The following ARHGEF9 variants were observed in gnomAD, a reference collection of about 807,000 sequenced individuals.
ARHGEF9 encodes rho guanine nucleotide exchange factor 9.
A neutral mutation model predicts 41.3 loss-of-function variants in ARHGEF9; 2 were observed. That is an observed-to-expected ratio of 0.05 (90% CI 0.02 to 0.15). The LOEUF is 0.15. Among genes scored for constraint, ARHGEF9 ranks in the 10% least tolerant of loss-of-function variants. ARHGEF9 has a pLI of 1.00. For missense variants in ARHGEF9, 225 were observed against 424.7 expected (o/e 0.53, Z 4.13); for synonymous variants, 160 against 154.4 (o/e 1.04, Z -0.27).
chrX:63,651,801 A>T (rs1305806526), intron 8 of ARHGEF9, among the ~76,000 whole-genome samples: 4 of 110,903 alleles, frequency 3.6e-5, no homozygotes, highest in African/African-American at 6.5e-5. Context: ...TGACTGACAA[A>T]GTGTCACATC....
chrX:63,728,270 G>A (rs1169565346), intron 1 of ARHGEF9, among the ~76,000 whole-genome samples: 3 of 112,326 alleles, frequency 2.7e-5, no homozygotes, highest in Non-Finnish European at 3.8e-5. Context: ...TACAATTTTT[G>A]TTAAAATGCA....
At chrX:63,688,606 T>TA (rs2051133350) in intron 4 of ARHGEF9, among the ~76,000 whole-genome samples, 1 of 111,559 alleles carries the variant, frequency 9.0e-6, no homozygotes, top group African/African-American at 3.3e-5. Flanking sequence ...CCATCTGTAC[T>TA]AAAAAATACA....
At chrX:63,783,034 A>C (rs2056406132) in intron 1 of ARHGEF9, among the ~76,000 whole-genome samples, 1 of 112,268 alleles carries the variant, frequency 8.9e-6, no homozygotes, top group Non-Finnish European at 1.9e-5. Context: ...TAAGAATATT[A>C]TGAGATTTTT....
intron 1 of ARHGEF9, among the ~76,000 whole-genome samples, chrX:63,771,496 C>G (rs1215613828): frequency 4.5e-5 from 5 of 111,434 alleles, no homozygotes; most frequent in African/African-American, 3.3e-5. Context: ...ACGAGATTTA[C>G]GTTTAAATTG....
intron 2 of ARHGEF9, among the ~76,000 whole-genome samples, chrX:63,713,358 C>T (rs1556408099): frequency 9.1e-6 from 1 of 109,988 alleles, no homozygotes; most frequent in Non-Finnish European, 1.9e-5. Context: ...GACAACATAC[C>T]CTGCCAGCAA....
In ARHGEF9 at chrX:63,717,452, G is replaced by C. The variant is rs145129655; in HGVS notation, c.210+7080C>G. On this transcript the variant is annotated intron_variant, in intron 2 of 9. Transcript: ENST00000671741. The stretch of plus-strand genomic sequence containing the variant: ...GAATGGAGTGGGCCTTGCATGCCCG[G>C]ATGGCCTCAGTCTAGCCACTCACAC... Among the ~76,000 whole-genome samples the C allele has an allele frequency of 6.0e-3, 677 of 112,082 alleles. 1 individual carries two copies. The highest frequency in any genetic ancestry group is 0.012 in the Admixed American group (125 of 10,628).
chrX:63,684,629 G>A (rs1190854571), intron 4 of ARHGEF9, among the ~76,000 whole-genome samples: 2 of 111,058 alleles, frequency 1.8e-5, no homozygotes, highest in African/African-American at 3.3e-5. Context: ...AGCAAACAAA[G>A]TGTCCATTAA....
At chrX:63,706,173 C>T in intron 3 of ARHGEF9, 85 bp downstream of exon 3, 2 of 1,053,528 alleles carry the variant, frequency 1.9e-6, no homozygotes, top group South Asian at 4.1e-5. Flanking sequence ...GTGCCCTTTC[C>T]AACATCTTGG....
intron 1 of ARHGEF9, among the ~76,000 whole-genome samples, chrX:63,760,001 G>A (rs1203920722): frequency 5.4e-5 from 6 of 111,236 alleles, no homozygotes; most frequent in South Asian, 3.9e-4. Flanking sequence ...CTAGGTCACA[G>A]GGATAAACTG....
intron 8 of ARHGEF9, among the ~76,000 whole-genome samples, chrX:63,648,248 T>C (rs1444225645): frequency 5.4e-5 from 6 of 111,483 alleles, no homozygotes; most frequent in Admixed American, 1.9e-4. Context: ...TAACAGCGGA[T>C]CTCTCGGCAG....
At chrX:63,753,558 T>G (rs1438718156) in intron 1 of ARHGEF9, among the ~76,000 whole-genome samples, 35 of 108,431 alleles carry the variant, frequency 3.2e-4, no homozygotes, top group Non-Finnish European at 6.5e-4. Context: ...TTTTTTTTTT[T>G]GATGAGACAA....
At chrX:63,658,813 C>T (rs782545358) in intron 7 of ARHGEF9, among the ~76,000 whole-genome samples, 27 of 111,939 alleles carry the variant, frequency 2.4e-4, no homozygotes, top group African/African-American at 8.4e-4. Flanking sequence ...TACATAGCTG[C>T]CCCACTGTCC....
intron 1 of ARHGEF9, among the ~76,000 whole-genome samples, chrX:63,751,677 G>A (rs1181211334): frequency 8.9e-6 from 1 of 112,013 alleles, no homozygotes; most frequent in East Asian, 2.8e-4. Context: ...GGGGTTTTAG[G>A]TGGTGAAAAG....
chrX:63,656,217 T>C (rs1602257160), intron 7 of ARHGEF9, among the ~76,000 whole-genome samples: 1 of 110,855 alleles, frequency 9.0e-6, no homozygotes, highest in East Asian at 2.9e-4. Flanking sequence ...AAGGATTACC[T>C]AGGGGGGGTC....
intron 1 of ARHGEF9, among the ~76,000 whole-genome samples, chrX:63,761,584 AC>A (rs1427936671): frequency 9.0e-6 from 1 of 111,009 alleles, no homozygotes; most frequent in Non-Finnish European, 1.9e-5. Flanking sequence ...CCCTTCTCCC[AC>A]CCCAAGGGCC....
At chrX:63,755,248 C>T (rs1420608015) in intron 1 of ARHGEF9, 1 of 934,839 alleles carries the variant, frequency 1.1e-6, no homozygotes, top group Admixed American at 5.8e-5. Flanking sequence ...ACGTTCGCTG[C>T]CCAGGGGCGG....
At chrX:63,645,847 A>G (rs1171625745) in intron 8 of ARHGEF9, among the ~76,000 whole-genome samples, 2 of 111,934 alleles carry the variant, frequency 1.8e-5, no homozygotes, top group Non-Finnish European at 3.8e-5. Context: ...TCCCACCAAC[A>G]GTGTAAAAGT....
chrX:63,661,917 G>A (rs2049247930), intron 7 of ARHGEF9, among the ~76,000 whole-genome samples: 1 of 112,307 alleles, frequency 8.9e-6, no homozygotes, highest in Non-Finnish European at 1.9e-5. Context: ...ACAGTTGGAT[G>A]AGAACTTAGT....
At chrX:63,682,133 C>CAATAAATAAATAAATA (rs572010099) in intron 4 of ARHGEF9, among the ~76,000 whole-genome samples, 1 of 101,524 alleles carries the variant, frequency 9.8e-6, no homozygotes, top group Non-Finnish European at 2.0e-5. Flanking sequence ...TTAAACTCTT[C>CAATAAATAAATAAATA]AATAAATAAA....
Sources: allele counts gnomAD v4.1 joint callset (sites outside exome capture counted in the v4.1 genomes callset), GRCh38; gene constraint gnomAD v4.1.1; transcripts MANE v1.5; gene names NCBI Gene and HGNC (gene_info 2026-07-23, HGNC 2026-07-21).